Variants in DCDC1 observed in about 807,000 individuals in gnomAD.
DCDC1 encodes the protein doublecortin domain containing 1, also known as doublecortin domain-containing protein 1.
In DCDC1, 200 loss-of-function variants were observed where a neutral mutation model predicts 178.3. That is an observed-to-expected ratio of 1.12 (90% CI 1.00 to 1.26). The LOEUF (loss-of-function observed/expected upper bound fraction) is 1.26. Among genes scored for constraint, DCDC1 ranks in the 50% most tolerant of loss-of-function variants. DCDC1 has a pLI of 0.00. For synonymous variants in DCDC1, 690 were observed against 604.8 expected, an observed-to-expected ratio of 1.14 and a Z score of -2.07; for missense variants, 1,983 against 1,749.2, an observed-to-expected ratio of 1.13 and a Z score of -2.38.
chr11:31,054,243 A>G (rs1036593657), intron 20 of DCDC1, among the ~76,000 whole-genome samples: 3 of 128,314 alleles, frequency 2.3e-5, no homozygotes, highest in African/African-American at 8.5e-5. Flanking sequence ...AAAGGAAAAA[A>G]GAAAAAAAAA....
chr11:30,963,552 T>C (rs1347051889), intron 20 of DCDC1, among the ~76,000 whole-genome samples: 3 of 152,030 alleles, frequency 2.0e-5, no homozygotes, highest in South Asian at 2.1e-4. Flanking sequence ...TCACAGACCT[T>C]ACCCTTAAAG....
At position 30,882,317 on chromosome 11, in the gene DCDC1, A is replaced by C. The variant is rs559808129; in HGVS notation, c.5083-1009T>G. 2.0e-5 allele frequency: 3 copies of C among 152,334 alleles called. No homozygotes were observed. The South Asian group carries it at 6.2e-4, about 32-fold the overall frequency. The allele number at this position is 152,334 out of a possible 1,614,324, so 9.4% of individuals were successfully genotyped here. A position where few individuals can be genotyped will look rare whatever the true frequency, so the allele number is the denominator to read the frequency against. On this transcript the variant is annotated intron_variant, in intron 36 of 38. Transcript: ENST00000684477. ...GCGCAGCTTTTCACCCAGTATTTTG[A>C]GTAAGGGATGAGTGGATTGAATTTA... is the stretch of plus-strand genomic sequence containing the variant.
intron 20 of DCDC1, among the ~76,000 whole-genome samples, chr11:30,955,546 G>A (rs759536636): frequency 6.6e-6 from 1 of 152,060 alleles, no homozygotes. Context: ...CCTCAAACTG[G>A]TCAATACAAA....
At position 30,865,024 on chromosome 11, in the gene DCDC1, C is replaced by A. The variant is rs1045991695; in HGVS notation, c.*349G>T. Reference sequence around the variant, plus strand: ...ATTTCAGTTGTACTCATCTGTCCCACTGTGCAAATGGAGTCACACGCTCAC... The same window carrying A: ...ATTTCAGTTGTACTCATCTGTCCCAATGTGCAAATGGAGTCACACGCTCAC... On this transcript the variant is annotated 3_prime_UTR_variant, in exon 39 of 39. Coordinates refer to ENST00000684477, the MANE Select transcript of DCDC1 (RefSeq NM_001387274.1). 1 of 152,100 alleles carries A rather than the reference C, an allele frequency of 6.6e-6. No homozygotes were observed. The highest frequency in any genetic ancestry group is 1.5e-5 in the Non-Finnish European group (1 of 68,018). 9.4% of individuals were successfully genotyped at this position (152,100 alleles called of 1,614,324 possible). A position where few individuals can be genotyped will look rare whatever the true frequency, so the allele number is the denominator to read the frequency against.
intron 9 of DCDC1, among the ~76,000 whole-genome samples, chr11:31,200,931 T>C (rs1227551029): frequency 2.0e-5 from 3 of 151,882 alleles, no homozygotes; most frequent in African/African-American, 7.3e-5. Context: ...CATTGAGTAT[T>C]ACTTGCTCTT....
chr11:31,355,399 T>C (rs766641359), intron 1 of DCDC1, among the ~76,000 whole-genome samples: 1 of 152,142 alleles, frequency 6.6e-6, no homozygotes, highest in Non-Finnish European at 1.5e-5. Context: ...GCCAACAGTA[T>C]GTTGAACTCA....
chr11:31,292,256 G>A (rs907614102), intron 6 of DCDC1, among the ~76,000 whole-genome samples: 1 of 152,202 alleles, frequency 6.6e-6, no homozygotes, highest in African/African-American at 2.4e-5. Context: ...ATAAGTTAAT[G>A]AGTTCATAAA....
chr11:31,047,226 T>C (rs541388654), intron 20 of DCDC1, among the ~76,000 whole-genome samples: 6 of 152,310 alleles, frequency 3.9e-5, no homozygotes, highest in African/African-American at 9.6e-5. Context: ...CATTACATTA[T>C]ACAAATTAAG....
At chr11:31,303,595 C>T (rs1948263142) in intron 6 of DCDC1, among the ~76,000 whole-genome samples, 1 of 151,938 alleles carries the variant, frequency 6.6e-6, no homozygotes, top group Non-Finnish European at 1.5e-5. Context: ...TAATATATCA[C>T]TCACATCAAG....
intron 9 of DCDC1, among the ~76,000 whole-genome samples, chr11:31,198,314 C>T (rs138063045): frequency 3.3e-5 from 5 of 152,116 alleles, no homozygotes; most frequent in Admixed American, 3.3e-4. Flanking sequence ...ATGGCAACAA[C>T]TTTAGTGATC....
intron 9 of DCDC1, among the ~76,000 whole-genome samples, chr11:31,196,649 T>A (rs1970728151): frequency 1.3e-5 from 2 of 151,966 alleles, no homozygotes; most frequent in South Asian, 4.1e-4. Context: ...GGTGCAAAAT[T>A]TCTATACCCT....
At chr11:30,914,632 C>CAAAAAAAAAAA (rs11355322) in intron 27 of DCDC1, among the ~76,000 whole-genome samples, 1 of 100,866 alleles carries the variant, frequency 9.9e-6, no homozygotes. Context: ...CATATGCACC[C>CAAAAAAAAAAA]AAAAAAAAAA....
At chr11:30,994,640 A>G (rs1181959431) in intron 20 of DCDC1, among the ~76,000 whole-genome samples, 2 of 145,544 alleles carry the variant, frequency 1.4e-5, no homozygotes, top group Non-Finnish European at 3.0e-5. Flanking sequence ...TTATATATTT[A>G]TTATAATATA....
intron 20 of DCDC1, among the ~76,000 whole-genome samples, chr11:31,052,586 T>G (rs1377026485): frequency 6.6e-6 from 1 of 152,068 alleles, no homozygotes; most frequent in Non-Finnish European, 1.5e-5. Flanking sequence ...TTCACCAGGA[T>G]AGACCATATG....
intron 8 of DCDC1, among the ~76,000 whole-genome samples, chr11:31,259,178 C>T (rs1277829194): frequency 2.0e-5 from 3 of 151,914 alleles, no homozygotes; most frequent in Non-Finnish European, 2.9e-5. Context: ...TGGTGAAACC[C>T]CATCTCTACT....
intron 9 of DCDC1, among the ~76,000 whole-genome samples, chr11:31,218,669 A>G (rs934593905): frequency 6.6e-6 from 1 of 152,180 alleles, no homozygotes; most frequent in African/African-American, 2.4e-5. Context: ...GTAACAGCTA[A>G]ATGTCAAACA....
intron 9 of DCDC1, among the ~76,000 whole-genome samples, chr11:31,157,661 A>C (rs1425163534): frequency 6.6e-6 from 1 of 152,084 alleles, no homozygotes; most frequent in Admixed American, 6.6e-5. Context: ...AGGAAGCAGA[A>C]TGGTGGTTGC....
At chr11:31,208,081 A>G (rs1366507461) in intron 9 of DCDC1, among the ~76,000 whole-genome samples, 1 of 151,972 alleles carries the variant, frequency 6.6e-6, no homozygotes, top group African/African-American at 2.4e-5. Context: ...TTCTTTATCT[A>G]TCCTCTCACC....
At chr11:30,986,522 G>T (rs868406126) in intron 20 of DCDC1, among the ~76,000 whole-genome samples, 1 of 151,726 alleles carries the variant, frequency 6.6e-6, no homozygotes, top group Admixed American at 6.6e-5. Flanking sequence ...TAGTAGAGAC[G>T]GGGTTTCACC....
Sources: gnomAD v4.1 joint callset for allele counts (sites outside exome capture counted in the v4.1 genomes callset) on GRCh38, gnomAD v4.1.1 for gene constraint, MANE v1.5 for transcripts, NCBI Gene and HGNC (gene_info 2026-07-23, HGNC 2026-07-21) for gene names.